Variants in ZNF251 observed in about 807,000 individuals in gnomAD.
ZNF251 encodes the protein zinc finger protein 251.
Under a neutral mutation model 13.5 loss-of-function variants are expected in ZNF251, and 14 were observed. The ratio of observed to expected loss-of-function variants is 1.04; its 90% confidence interval spans 0.69 to 1.63. The LOEUF (loss-of-function observed/expected upper bound fraction) is 1.63, where lower values mean the gene tolerates loss of function less well. ZNF251 is among the 40% of genes most tolerant of loss of function. The pLI, the probability that ZNF251 is intolerant of heterozygous loss-of-function variation, is 0.00. For synonymous variants in ZNF251, 287 were observed against 295.2 expected (o/e 0.97, Z 0.28); for missense variants, 764 against 834.9 (o/e 0.92, Z 1.05).
At chr8:144,729,488 C>A (rs1042358197) in intron 4 of ZNF251, among the ~76,000 whole-genome samples, 11 of 151,680 alleles carry the variant, frequency 7.3e-5, no homozygotes, top group Non-Finnish European at 1.5e-4. Context: ...AGGCGCCCGC[C>A]ACCACGCCCG....
intron 4 of ZNF251, among the ~76,000 whole-genome samples, chr8:144,746,715 G>A (rs1366334395): frequency 6.6e-6 from 1 of 151,666 alleles, no homozygotes; most frequent in Admixed American, 6.6e-5. Context: ...GGGAGATTGT[G>A]TACTTCAAGG....
intron 4 of ZNF251, among the ~76,000 whole-genome samples, chr8:144,733,865 C>T (rs1354211824): frequency 1.3e-5 from 2 of 152,236 alleles, no homozygotes; most frequent in Non-Finnish European, 2.9e-5. Flanking sequence ...CCTGGAACAG[C>T]TAACACCGTT....
intron 4 of ZNF251, among the ~76,000 whole-genome samples, chr8:144,726,194 CAAAAAAAAAAA>C (rs35542133): frequency 2.3e-4 from 12 of 52,166 alleles, no homozygotes; most frequent in Admixed American, 8.9e-4. Flanking sequence ...GACTCTGTCT[CAAAAAAAAAAA>C]AAAAAAAAAA....
At chr8:144,732,555 G>A (rs895819539) in intron 4 of ZNF251, among the ~76,000 whole-genome samples, 2 of 152,130 alleles carry the variant, frequency 1.3e-5, no homozygotes, top group Non-Finnish European at 2.9e-5. Flanking sequence ...GCTCACGCCT[G>A]TAATCCCAGC....
intron 4 of ZNF251, chr8:144,738,756 G>C: frequency 1.0e-6 from 1 of 984,686 alleles, no homozygotes; most frequent in East Asian, 1.1e-4. Flanking sequence ...CCTCGTGGGG[G>C]CACCTGTTTG....
At chr8:144,736,435 CG>C (rs1234251156) in intron 4 of ZNF251, among the ~76,000 whole-genome samples, 47 of 151,848 alleles carry the variant, frequency 3.1e-4, no homozygotes, top group Non-Finnish European at 5.3e-4. Context: ...AACAAACCCT[CG>C]GGAGTTCACC....
chr8:144,729,925 A>T (rs1473305683), intron 4 of ZNF251: 6 of 514,288 alleles, frequency 1.2e-5, no homozygotes, highest in African/African-American at 2.1e-5. Flanking sequence ...GTTTTTTGTG[A>T]CTACTCAGAT....
intron 4 of ZNF251, among the ~76,000 whole-genome samples, chr8:144,727,594 C>T (rs1054551601): frequency 3.9e-5 from 6 of 152,202 alleles, no homozygotes; most frequent in African/African-American, 1.2e-4. Flanking sequence ...TCTGCAGCTT[C>T]CTTACCCCTC....
chr8:144,755,506 G>A lies in ZNF251; in HGVS notation c.-177C>T, dbSNP rs934586046. The A allele has an allele frequency of 3.9e-5, 50 of 1,286,502 alleles. No individual in the cohort carries two copies. In the Admixed American group the frequency reaches 9.6e-4, roughly 25 times the overall value. The allele number at this position is 1,286,502 out of a possible 1,614,324, so 79.7% of individuals were successfully genotyped here. On this transcript the variant is annotated 5_prime_UTR_variant, in exon 1 of 5. Transcript: ENST00000292562. Reference sequence around the variant, plus strand: ...TCCCACAGAACCGGGTCCAGAGCCGGGGAGGGGGCGGGCTAGGATGAAGAG... The same window carrying A: ...TCCCACAGAACCGGGTCCAGAGCCGAGGAGGGGGCGGGCTAGGATGAAGAG...
At chr8:144,748,724 G>C (rs1330986985) in intron 4 of ZNF251, among the ~76,000 whole-genome samples, 1 of 152,008 alleles carries the variant, frequency 6.6e-6, no homozygotes, top group Non-Finnish European at 1.5e-5. Flanking sequence ...ACCACACCAA[G>C]CTAATTTTTT....
At chr8:144,730,232 G>A in intron 4 of ZNF251, 1 of 505,520 alleles carries the variant, frequency 2.0e-6, no homozygotes, top group Non-Finnish European at 2.6e-6. Flanking sequence ...GACTGAAAGA[G>A]CAGCAAGGGT....
At chr8:144,742,584 T>C (rs1824214909) in intron 4 of ZNF251, among the ~76,000 whole-genome samples, 1 of 151,424 alleles carries the variant, frequency 6.6e-6, no homozygotes, top group African/African-American at 2.4e-5. Context: ...TAGGGCTCAC[T>C]CGTGGTGCCG....
intron 4 of ZNF251, among the ~76,000 whole-genome samples, chr8:144,751,984 A>G (rs1470212340): frequency 1.3e-5 from 2 of 152,152 alleles, no homozygotes; most frequent in South Asian, 2.1e-4. Context: ...TATCTCTCAT[A>G]ATGATAGTCA....
At chr8:144,749,171 TATAA>T (rs1214250350) in intron 4 of ZNF251, among the ~76,000 whole-genome samples, 3 of 152,006 alleles carry the variant, frequency 2.0e-5, no homozygotes, top group Admixed American at 6.5e-5. Context: ...TCTCTAAAAA[TATAA>T]ATAAATAACT....
chr8:144,751,636 G>A (rs1192441627), intron 4 of ZNF251, among the ~76,000 whole-genome samples: 1 of 151,778 alleles, frequency 6.6e-6, no homozygotes, highest in Admixed American at 6.6e-5. Flanking sequence ...AATAAAGGCC[G>A]GAAAGAGGAA....
At position 144,754,776 on chromosome 8, in the gene ZNF251, C is replaced by T. The variant is rs778101226; in HGVS notation, c.-48G>A. 6 of 1,602,124 alleles carry T rather than the reference C, an allele frequency of 3.7e-6. No homozygotes were observed. The highest frequency in any genetic ancestry group is 1.7e-5 in the Admixed American group (1 of 57,658). On this transcript the variant is annotated 5_prime_UTR_variant, in exon 2 of 5. Coordinates refer to ENST00000292562, the MANE Select transcript of ZNF251 (RefSeq NM_138367.2). ...GTTTCCAAGAGAAGACAGGAGACTG[C>T]CCTGGCCTGAAGTCTCCCCGAACTT...
rs767622714 is a variant in ZNF251 at position 144,722,172 on chromosome 8, C to G, written c.1488G>C (p.Lys496Asn). The G allele has an allele frequency of 2.5e-6, 4 of 1,614,154 alleles. No individual in the cohort carries two copies. The South Asian group carries it at 4.4e-5, about 18-fold the overall frequency. The change falls in exon 5 of 5, where the codon AAG becomes AAC. Residue 496 changes from lysine (K) to asparagine (N), a missense_variant. Physicochemically the swap from Lys to Asn is moderately conservative, Grantham distance 94. Transcript: ENST00000292562. This position sits in a 1 kb window ranked among gnomAD's most constrained non-coding sequence, Gnocchi z 4.8. ...EKPYDCGDCG[K>N]AFSRRSTLIQ... ...TGAGGGTTGACCTCCGGCTGAAGGC[C>G]TTCCCACAGTCACCACAGTCATAGG...
At chr8:144,745,459 T>A (rs2130050825) in intron 4 of ZNF251, among the ~76,000 whole-genome samples, 1 of 152,288 alleles carries the variant, frequency 6.6e-6, no homozygotes, top group East Asian at 1.9e-4. Flanking sequence ...GCTCTTCTCT[T>A]TCAATATTGA....
At chr8:144,750,626 C>G (rs1052128171) in intron 4 of ZNF251, among the ~76,000 whole-genome samples, 1 of 152,206 alleles carries the variant, frequency 6.6e-6, no homozygotes, top group Non-Finnish European at 1.5e-5. Flanking sequence ...TATTCACTGT[C>G]AGTACCTAAT....
Sources: gnomAD v4.1 joint callset for allele counts (sites outside exome capture counted in the v4.1 genomes callset) on GRCh38, gnomAD v4.1.1 for gene constraint, Gnocchi (gnomAD v3.1) non-coding constraint, MANE v1.5 for transcripts, NCBI Gene and HGNC (gene_info 2026-07-23, HGNC 2026-07-21) for gene names.